Variants in PSMB2 observed in about 807,000 individuals in gnomAD.
PSMB2 encodes proteasome 20S subunit beta 2.
A neutral mutation model predicts 25.7 loss-of-function variants in PSMB2; 13 were observed. That is an observed-to-expected ratio of 0.51 (90% confidence interval 0.33 to 0.80). PSMB2 has a LOEUF of 0.80. Ranked by LOEUF, PSMB2 falls within the 30% of genes least tolerant of loss-of-function variation. The probability of loss-of-function intolerance (pLI) is 0.02; values close to 1 mark genes in which losing one functional copy is unlikely to be tolerated. For synonymous variants in PSMB2, 87 were observed against 96.2 expected (o/e 0.90, Z 0.56); for missense variants, 202 against 259.0 (o/e 0.78, Z 1.51).
rs912325381 is a variant in PSMB2, at chr1:35,636,160, A to G, written c.214+150T>C. On this transcript the variant is annotated intron_variant, in intron 2 of 5. Transcript: ENST00000373237. ...CAAGCCAAGGAGAGAGGCCTCAGAA[A>G]TCAACGCTGCCAACACCTTAATCTT... 11 of 946,482 alleles carry G rather than the reference A, an allele frequency of 1.2e-5. No individual in the cohort carries two copies. The East Asian group carries it at 2.3e-4, about 20-fold the overall frequency. 58.6% of individuals were successfully genotyped at this position (946,482 alleles called of 1,614,324 possible). A position where few individuals can be genotyped will look rare whatever the true frequency, so the allele number is the denominator to read the frequency against.
Position 35,600,937 on chromosome 1 carries a change from T to C in PSMB2, c.*2330A>G. The C allele has an allele frequency of 1.0e-6, 1 of 984,860 alleles. No individual in the cohort carries two copies. The highest frequency in any genetic ancestry group is 1.2e-6 in the Non-Finnish European group (1 of 829,440). The allele number at this position is 984,860 out of a possible 1,614,324, so 61.0% of individuals were successfully genotyped here. Reference sequence around the variant, plus strand: ...TATATTACTTCATGGAATTCTCATATCTACCACATAGAATAGGTGCTATTT... The same window carrying C: ...TATATTACTTCATGGAATTCTCATACCTACCACATAGAATAGGTGCTATTT... On this transcript the variant is annotated 3_prime_UTR_variant, in exon 6 of 6. Transcript: ENST00000373237.
chr1:35,632,953 C>T (rs1369185595), intron 2 of PSMB2, among the ~76,000 whole-genome samples: 2 of 152,056 alleles, frequency 1.3e-5, no homozygotes, highest in Non-Finnish European at 2.9e-5. Context: ...CACAGTGGCT[C>T]ACACCTGTAA....
At chr1:35,618,234 A>G (rs1241970808) in intron 3 of PSMB2, among the ~76,000 whole-genome samples, 1 of 152,180 alleles carries the variant, frequency 6.6e-6, no homozygotes, top group Non-Finnish European at 1.5e-5. Context: ...AGAAGAGGTG[A>G]GGGAGAAAGA....
intron 5 of PSMB2, among the ~76,000 whole-genome samples, 169 bp downstream of exon 5, chr1:35,605,064 G>C (rs1017097140): frequency 1.3e-5 from 2 of 152,174 alleles, no homozygotes; most frequent in African/African-American, 4.8e-5. Flanking sequence ...AGAAAAGTGA[G>C]CTTGCTATCC....
chr1:35,616,807 C>A (rs1043124256), intron 3 of PSMB2, among the ~76,000 whole-genome samples: 1 of 152,134 alleles, frequency 6.6e-6, no homozygotes, highest in African/African-American at 2.4e-5. Flanking sequence ...AATTCACTAG[C>A]TATCTTTTTT....
At chr1:35,607,105 G>C (rs547090557) in intron 4 of PSMB2, among the ~76,000 whole-genome samples, 5 of 152,154 alleles carry the variant, frequency 3.3e-5, no homozygotes, top group African/African-American at 4.8e-5. Flanking sequence ...AAAACACAGG[G>C]AAAAAGCCTC....
chr1:35,641,522 A>G lies in PSMB2; in HGVS notation c.-90T>C, dbSNP rs1226097366. On this transcript the variant is annotated 5_prime_UTR_variant, in exon 1 of 6. Transcript: ENST00000373237. Reference sequence around the variant, plus strand: ...CCGGTGAGACAGCACCTCAGAGCGAAGATTGGCGCGACGCCTGCAGCACGA... The same window carrying G: ...CCGGTGAGACAGCACCTCAGAGCGAGGATTGGCGCGACGCCTGCAGCACGA... 1.3e-6 allele frequency: 2 copies of G among 1,575,214 alleles called. No homozygotes were observed. Among genetic ancestry groups the G allele is most frequent in the East Asian group, 4.7e-5 (2 of 42,784 alleles).
At chr1:35,623,747 G>C (rs1650766524) in intron 3 of PSMB2, among the ~76,000 whole-genome samples, 1 of 152,244 alleles carries the variant, frequency 6.6e-6, no homozygotes, top group African/African-American at 2.4e-5. Flanking sequence ...GCACATGGAG[G>C]AAGAAGGCAG....
chr1:35,603,321 G>C lies in PSMB2; in HGVS notation c.552C>G (p.Asp184Glu). 1 of 1,614,124 alleles carries C rather than the reference G, an allele frequency of 6.2e-7. No homozygotes were observed. Among genetic ancestry groups the C allele is most frequent in the Non-Finnish European group, 8.5e-7 (1 of 1,179,978 alleles). Residue 184 changes from aspartate (D) to glutamate (E), a missense_variant, in exon 6 of 6, where the codon GAC becomes GAG. Transcript: ENST00000373237. ...TATCCAGGTCATGGATGCCATTTTT[G>C]TCAATGATTCGAACACTGAAGGTTG... ...NLPTFSVRII[D>E]KNGIHDLDNI... is the part of the protein sequence containing the mutation.
At chr1:35,638,632 T>C (rs1377987277) in intron 1 of PSMB2, among the ~76,000 whole-genome samples, 2 of 152,206 alleles carry the variant, frequency 1.3e-5, no homozygotes, top group Admixed American at 6.5e-5. Flanking sequence ...GGATTATACA[T>C]GCTATAGGAA....
intron 5 of PSMB2, among the ~76,000 whole-genome samples, chr1:35,604,573 A>G (rs917595791): frequency 6.6e-6 from 1 of 152,154 alleles, no homozygotes; most frequent in African/African-American, 2.4e-5. Context: ...TGAGGTCAGG[A>G]GTTCAAGACC....
intron 1 of PSMB2, among the ~76,000 whole-genome samples, chr1:35,637,524 C>G (rs1360933910): frequency 1.3e-5 from 2 of 152,192 alleles, no homozygotes; most frequent in African/African-American, 4.8e-5. Flanking sequence ...CTAAATCTTC[C>G]TATCTCACTT....
At position 35,600,434 on chromosome 1, in the gene PSMB2, T is replaced by C. The variant is rs1012227758; in HGVS notation, c.*2833A>G. 1.2e-6 allele frequency: 1 copy of C among 868,724 alleles called. No individual in the cohort carries two copies. 53.8% of individuals were successfully genotyped at this position (868,724 alleles called of 1,614,324 possible). A position where few individuals can be genotyped will look rare whatever the true frequency, so the allele number is the denominator to read the frequency against. ...TAGAAGATGTTAACATTACAGAAAC[T>C]GAATAAGGGGTATAAGGACACCATA... On this transcript the variant is annotated 3_prime_UTR_variant, in exon 6 of 6. Transcript: ENST00000373237.
intron 3 of PSMB2, among the ~76,000 whole-genome samples, chr1:35,616,438 A>G (rs1007316777): frequency 1.3e-5 from 2 of 152,184 alleles, no homozygotes; most frequent in African/African-American, 4.8e-5. Context: ...ATTTTGCCCA[A>G]GCAAGTGCAG....
rs1024964639 is a variant in PSMB2 at position 35,599,809 on chromosome 1, G to C, written c.*3458C>G. ...TGTTAAATAGTCTAAGAAACGATAG[G>C]GGGTGAACCAGAGTAATGGGGATGG... On this transcript the variant is annotated 3_prime_UTR_variant, in exon 6 of 6. Coordinates refer to ENST00000373237, the MANE Select transcript of PSMB2 (RefSeq NM_002794.5). 2 of 984,992 alleles carry C rather than the reference G, an allele frequency of 2.0e-6. No individual in the cohort carries two copies. The highest frequency in any genetic ancestry group is 4.7e-5 in the South Asian group (1 of 21,280). The allele number at this position is 984,992 out of a possible 1,614,324, so 61.0% of individuals were successfully genotyped here.
chr1:35,601,038 G>A lies in PSMB2; in HGVS notation c.*2229C>T, dbSNP rs979813420. 5.4e-5 allele frequency: 53 copies of A among 975,306 alleles called. No homozygotes were observed. The South Asian group carries it at 1.3e-3, about 24-fold the overall frequency. The allele number at this position is 975,306 out of a possible 1,614,324, so 60.4% of individuals were successfully genotyped here. A position where few individuals can be genotyped will look rare whatever the true frequency, so the allele number is the denominator to read the frequency against. On this transcript the variant is annotated 3_prime_UTR_variant, in exon 6 of 6. Coordinates refer to ENST00000373237, the MANE Select transcript of PSMB2 (RefSeq NM_002794.5). Reference sequence around the variant, plus strand: ...GTAGCAGCACTCCACTGGGTAGGGCGTCAGAATCATCTGTGGCGCTTTTTT... The same window carrying A: ...GTAGCAGCACTCCACTGGGTAGGGCATCAGAATCATCTGTGGCGCTTTTTT...
At chr1:35,627,671 A>C (rs138239360) in intron 3 of PSMB2, among the ~76,000 whole-genome samples, 14 of 152,324 alleles carry the variant, frequency 9.2e-5, no homozygotes, top group Non-Finnish European at 1.2e-4. Context: ...AGAGCTTTGC[A>C]TTATTACCTT....
chr1:35,636,815 T>C (rs982092129), intron 1 of PSMB2, among the ~76,000 whole-genome samples: 4 of 152,188 alleles, frequency 2.6e-5, no homozygotes, highest in Admixed American at 2.6e-4. Flanking sequence ...ATCTATGGAT[T>C]TGGGTATCTG....
At chr1:35,623,763 C>T (rs184630026) in intron 3 of PSMB2, among the ~76,000 whole-genome samples, 82 of 152,310 alleles carry the variant, frequency 5.4e-4, no homozygotes, top group Admixed American at 4.2e-3. Context: ...GGCAGTGCTG[C>T]GTCATGTCAC....
Sources: gnomAD v4.1 joint callset for allele counts (sites outside exome capture counted in the v4.1 genomes callset) on GRCh38, gnomAD v4.1.1 for gene constraint, MANE v1.5 for transcripts, NCBI Gene and HGNC (gene_info 2026-07-23, HGNC 2026-07-21) for gene names.